Variants in CEP83 observed in about 807,000 individuals in gnomAD.
The protein encoded by CEP83 is centrosomal protein 83.
CEP83 carries 70 observed loss-of-function variants against 101.9 expected under a neutral mutation model. That is an observed-to-expected ratio of 0.69 (90% CI 0.57 to 0.84). The LOEUF (loss-of-function observed/expected upper bound fraction) is 0.84. Ranked by LOEUF, CEP83 falls within the 40% of genes least tolerant of loss-of-function variation. CEP83 has a pLI of 0.00. For synonymous variants in CEP83, 264 were observed against 267.9 expected, an observed-to-expected ratio of 0.99 and a Z score of 0.14; for missense variants, 715 against 787.2, an observed-to-expected ratio of 0.91 and a Z score of 1.10.
At chr12:94,379,637 T>TAA (rs1292954602) in intron 6 of CEP83, among the ~76,000 whole-genome samples, 1 of 152,186 alleles carries the variant, frequency 6.6e-6, no homozygotes, top group Non-Finnish European at 1.5e-5. Flanking sequence ...GGGCAGGTGT[T>TAA]AAAGTCACTG....
At chr12:94,304,748 G>A (rs1176068119), downstream of CEP83, among the ~76,000 whole-genome samples, 4 of 152,150 alleles carry the variant, frequency 2.6e-5, no homozygotes, top group African/African-American at 9.7e-5. Flanking sequence ...AGGGGTCAGG[G>A]GAGAGAAGGG....
intron 11 of CEP83, among the ~76,000 whole-genome samples, chr12:94,354,113 A>G (rs750547237): frequency 5.3e-5 from 8 of 152,196 alleles, no homozygotes; most frequent in Non-Finnish European, 8.8e-5. Flanking sequence ...TTTAAACTAC[A>G]CTGTAGACCA....
chr12:94,333,839 T>C (rs2059342550), intron 12 of CEP83, among the ~76,000 whole-genome samples, 200 bp from the exon 13 acceptor site: 1 of 152,108 alleles, frequency 6.6e-6, no homozygotes, highest in Non-Finnish European at 1.5e-5. Context: ...TCAAGAACTA[T>C]ATTCCTCAGT....
intron 15 of CEP83, among the ~76,000 whole-genome samples, chr12:94,310,845 T>C (rs1047061981): frequency 6.6e-6 from 1 of 152,188 alleles, no homozygotes; most frequent in Non-Finnish European, 1.5e-5. Context: ...GTAAGAAATA[T>C]ATATTTGGTC....
At position 94,344,792 on chromosome 12, in the gene CEP83, A is replaced by T. The variant is rs369135638; in HGVS notation, c.1344-9128T>A. ...CAATACAATCCCAATTAAAATTTTAACAAGAATTTAAAAAGATAAAAAACT... is the reference window on the plus strand; with the variant it reads ...CAATACAATCCCAATTAAAATTTTATCAAGAATTTAAAAAGATAAAAAACT... On this transcript the variant is annotated intron_variant, in intron 11 of 16. Coordinates refer to ENST00000397809, the MANE Select transcript of CEP83 (RefSeq NM_016122.3). Among the ~76,000 whole-genome samples the T allele has an allele frequency of 1.1e-4, 17 of 152,300 alleles. No homozygotes were observed. In the East Asian group the frequency reaches 1.2e-3, roughly 10 times the overall value.
chr12:94,290,722 G>A, the CEP83 span, among the ~76,000 whole-genome samples: 1 of 152,232 alleles, frequency 6.6e-6, no homozygotes, highest in Non-Finnish European at 1.5e-5. Context: ...GATAACCAAT[G>A]TGCAGCAGGC....
At chr12:94,455,130 G>A (rs772408317) in intron 1 of CEP83, among the ~76,000 whole-genome samples, 7 of 152,150 alleles carry the variant, frequency 4.6e-5, no homozygotes, top group East Asian at 1.9e-4. Flanking sequence ...AACCAATTCC[G>A]GACACATTAT....
chr12:94,293,073 T>C, the CEP83 span, among the ~76,000 whole-genome samples: 1 of 152,214 alleles, frequency 6.6e-6, no homozygotes, highest in South Asian at 2.1e-4. Flanking sequence ...TCAAGCTCTA[T>C]GTAAATGGAA....
At chr12:94,432,262 C>T (rs536347981) in intron 2 of CEP83, among the ~76,000 whole-genome samples, 14 of 151,708 alleles carry the variant, frequency 9.2e-5, no homozygotes, top group Non-Finnish European at 1.5e-4. Context: ...CAGGGTTTCA[C>T]CGTTTTAGCC....
At chr12:94,424,542 G>C (rs539422093) in intron 2 of CEP83, 507 of 1,613,616 alleles carry the variant, frequency 3.1e-4, no homozygotes, top group Non-Finnish European at 4.0e-4. Context: ...ATTGACAGTG[G>C]GAGGTTTGAG....
chr12:94,454,616 C>T (rs11107542), intron 1 of CEP83, among the ~76,000 whole-genome samples: 4 of 152,236 alleles, frequency 2.6e-5, no homozygotes, highest in Non-Finnish European at 4.4e-5. Context: ...GCAACCCACA[C>T]GGGTCCCCTT....
intron 1 of CEP83, among the ~76,000 whole-genome samples, chr12:94,449,055 A>G (rs1304597109): frequency 6.6e-6 from 1 of 151,194 alleles, no homozygotes; most frequent in Non-Finnish European, 1.5e-5. Flanking sequence ...TATACTGACC[A>G]AGAAAATAAG....
intron 7 of CEP83, among the ~76,000 whole-genome samples, chr12:94,378,052 C>T (rs531832569): frequency 3.6e-4 from 55 of 151,956 alleles, no homozygotes; most frequent in African/African-American, 1.2e-3. Flanking sequence ...AAATTAAATG[C>T]CCGCTAATGT....
chr12:94,335,786 T>C, intron 11 of CEP83, 122 bp from the exon 12 acceptor site: 1 of 670,336 alleles, frequency 1.5e-6, no homozygotes, highest in Non-Finnish European at 2.6e-6. Context: ...AACCAAAGAT[T>C]GAGACTTCAA....
At position 94,382,089 on chromosome 12, in the gene CEP83, G is replaced by A. The variant is rs117973814; in HGVS notation, c.550-3047C>T. On this transcript the variant is annotated intron_variant, in intron 6 of 16. Coordinates refer to ENST00000397809, the MANE Select transcript of CEP83 (RefSeq NM_016122.3). ...ATTTCACATTAAATGAGTTGTGGTC[G>A]TTTGTGCCTTTTAAGAAATTGATTC... is the stretch of plus-strand genomic sequence containing the variant. 6.2e-4 allele frequency among the ~76,000 whole-genome samples: 95 copies of A among 152,096 alleles called. 2 individuals are homozygous for A. The East Asian group carries it at 0.016, about 26-fold the overall frequency.
chr12:94,393,088 T>G (rs1053972675), intron 6 of CEP83, among the ~76,000 whole-genome samples: 1 of 152,024 alleles, frequency 6.6e-6, no homozygotes, highest in Non-Finnish European at 1.5e-5. Context: ...ACTATTCCAA[T>G]CAATAGAAAA....
intron 1 of CEP83, among the ~76,000 whole-genome samples, chr12:94,451,467 C>CA (rs34200750): frequency 0.012 from 1,248 of 102,588 alleles, 9 homozygotes; most frequent in African/African-American, 0.015. Flanking sequence ...TCAGTAAGAC[C>CA]AAAAAAAAAA....
Position 94,307,915 on chromosome 12 carries a change from C to A in CEP83, c.*898G>T, listed in dbSNP as rs953045597. 5.3e-5 allele frequency: 8 copies of A among 152,046 alleles called. No individual in the cohort carries two copies. Among genetic ancestry groups the A allele is most frequent in the African/African-American group, 1.9e-4 (8 of 41,398 alleles). The allele number at this position is 152,046 out of a possible 1,614,324, so 9.4% of individuals were successfully genotyped here. A position where few individuals can be genotyped will look rare whatever the true frequency, so the allele number is the denominator to read the frequency against. ...TGAACACCTTGGGATAATGAACATT[C>A]CACTTAATTTGGGAGACTTGAGCTT... On this transcript the variant is annotated 3_prime_UTR_variant, in exon 17 of 17. Transcript: ENST00000397809.
chr12:94,446,972 G>T (rs2066857053), intron 1 of CEP83, among the ~76,000 whole-genome samples: 1 of 151,936 alleles, frequency 6.6e-6, no homozygotes. Context: ...CACATACAGG[G>T]CAACAACAAT....
Sources: allele counts gnomAD v4.1 joint callset (sites outside exome capture counted in the v4.1 genomes callset), GRCh38; gene constraint gnomAD v4.1.1; transcripts MANE v1.5; gene names NCBI Gene and HGNC (gene_info 2026-07-23, HGNC 2026-07-21).